CHRNB1: variants seen among roughly 807,000 people sequenced by gnomAD.
CHRNB1 encodes acetylcholine receptor subunit beta.
Under a neutral mutation model 53.8 loss-of-function variants are expected in CHRNB1, and 47 were observed. That is an observed-to-expected ratio of 0.87 (90% CI 0.69 to 1.11). CHRNB1 has a LOEUF of 1.11. Among genes scored for constraint, CHRNB1 ranks in the 50% most tolerant of loss-of-function variants. The pLI, the probability that CHRNB1 is intolerant of heterozygous loss-of-function variation, is 0.00. For synonymous variants in CHRNB1, 259 were observed against 263.5 expected (o/e 0.98, Z 0.16); for missense variants, 605 against 654.9 (o/e 0.92, Z 0.83).
intron 8 of CHRNB1, among the ~76,000 whole-genome samples, 184 bp from the exon 9 acceptor site, chr17:7,455,100 G>C (rs574680511): frequency 6.6e-6 from 1 of 151,808 alleles, no homozygotes; most frequent in Non-Finnish European, 1.5e-5. Flanking sequence ...ACCGCGACAG[G>C]CCCAACCCAC....
chr17:7,450,000 T>A (rs1321501339), intron 7 of CHRNB1, among the ~76,000 whole-genome samples: 1 of 150,774 alleles, frequency 6.6e-6, no homozygotes, highest in Admixed American at 6.6e-5. Flanking sequence ...GCCGACATTG[T>A]GCCACTGAAC....
chr17:7,445,087 A>T lies in CHRNB1; in HGVS notation c.-41A>T. 6.3e-7 allele frequency: 1 copy of T among 1,594,594 alleles called. No individual in the cohort carries two copies. The highest frequency in any genetic ancestry group is 8.5e-7 in the Non-Finnish European group (1 of 1,174,596). On this transcript the variant is annotated 5_prime_UTR_variant, in exon 1 of 11. Coordinates refer to ENST00000306071, the MANE Select transcript of CHRNB1 (RefSeq NM_000747.3). This position sits in a 1 kb window ranked among gnomAD's most constrained non-coding sequence, Gnocchi z 5.7. ...TCACTTCCCCTGTGCTGGCGGTCCC[A>T]GCGGCTCTCTGAGCGAAGTCACTGA...
Position 7,455,889 on chromosome 17 carries a change from C to A in CHRNB1, c.1313C>A (p.Ser438Tyr). Residue 438 changes from serine (S) to tyrosine (Y), a missense_variant, in exon 10 of 11, where the codon TCC (serine) becomes TAC (tyrosine). Ser to Tyr is a moderately radical substitution (Grantham distance 144). Transcript: ENST00000306071. ...CTTCCGGAGCTACGGGAGGTCGTCT[C>A]CTCTATCAGCTACATCGCTCGACAG... ...ALLPELREVV[S>Y]SISYIARQLQ... 1 of 1,614,050 alleles carries A rather than the reference C, an allele frequency of 6.2e-7. No homozygotes were observed. Among genetic ancestry groups the A allele is most frequent in the Non-Finnish European group, 8.5e-7 (1 of 1,180,024 alleles).
Position 7,454,412 on chromosome 17 carries a change from C to G in CHRNB1, c.936C>G (p.Leu312=), listed in dbSNP as rs775264960. ...SLSVPIIIKY[L]MFTMVLVTFS... ...CAGTACCCATTATTATCAAGTACCT[C>G]ATGTTTACCATGGTCCTCGTCACCT... Residue 312 remains leucine, a synonymous_variant, in exon 8 of 11, where the codon CTC becomes CTG. Coordinates refer to ENST00000306071, the MANE Select transcript of CHRNB1 (RefSeq NM_000747.3). 1 of 1,614,098 alleles carries G rather than the reference C, an allele frequency of 6.2e-7. No homozygotes were observed. The highest frequency in any genetic ancestry group is 2.2e-5 in the East Asian group (1 of 44,884).
At position 7,448,614 on chromosome 17, in the gene CHRNB1, C is replaced by A; in HGVS notation, c.646C>A (p.Arg216=). ...GTGGGAGATTATCCACAAGCCCTCT[C>A]GGCTAATCCAGCCTCCAGGCGATCC... ...GQWEIIHKPS[R]LIQPPGDPRG... Residue 216 remains arginine (R), a synonymous_variant, in exon 7 of 11, where the codon CGG becomes AGG. Transcript: ENST00000306071. 6.2e-7 allele frequency: 1 copy of A among 1,614,140 alleles called. No individual in the cohort carries two copies. Among genetic ancestry groups the A allele is most frequent in the Non-Finnish European group, 8.5e-7 (1 of 1,180,012 alleles).
At chr17:7,447,324 T>C (rs1042057908) in intron 5 of CHRNB1, 173 bp downstream of exon 5, 106 of 921,272 alleles carry the variant, frequency 1.2e-4, no homozygotes, top group Non-Finnish European at 1.7e-4. Flanking sequence ...TACACTTTCT[T>C]TGACTTCTAG....
rs2302763 is a variant in CHRNB1 at position 7,455,958 on chromosome 17, T to C, written c.1365+17T>C. 0.16 allele frequency: 253,461 copies of C among 1,610,586 alleles called. 21,098 individuals carry two copies. Among genetic ancestry groups the C allele is most frequent in the South Asian group, 0.21 (19,454 of 90,986 alleles). ...CACGATGCGGTATGTCCAACGGGGG[T>C]GGAACAAGGCCAGGTCTAGGCGACC... On this transcript the variant is annotated intron_variant, in intron 10 of 10. Coordinates refer to ENST00000306071, the MANE Select transcript of CHRNB1 (RefSeq NM_000747.3).
chr17:7,456,836 T>C lies in CHRNB1; in HGVS notation c.*113T>C. 6.9e-7 allele frequency: 1 copy of C among 1,444,546 alleles called. No homozygotes were observed. Among genetic ancestry groups the C allele is most frequent in the Non-Finnish European group, 9.5e-7 (1 of 1,049,162 alleles). 89.5% of individuals were successfully genotyped at this position (1,444,546 alleles called of 1,614,324 possible). ...CTCCTTCACGAGGAATCTGGGCCTC[T>C]TATTTCGTTTCTGGGGACTGCATTG... On this transcript the variant is annotated 3_prime_UTR_variant, in exon 11 of 11. Transcript: ENST00000306071.
rs773897169 is a variant in CHRNB1 at position 7,445,092 on chromosome 17, C to T, written c.-36C>T. The T allele has an allele frequency of 1.3e-6, 2 of 1,598,950 alleles. No homozygotes were observed. The highest frequency in any genetic ancestry group is 1.7e-6 in the Non-Finnish European group (2 of 1,176,498). On this transcript the variant is annotated 5_prime_UTR_variant, in exon 1 of 11. Coordinates refer to ENST00000306071, the MANE Select transcript of CHRNB1 (RefSeq NM_000747.3). This position sits in a 1 kb window ranked among gnomAD's most constrained non-coding sequence, Gnocchi z 5.7. ...TCCCCTGTGCTGGCGGTCCCAGCGG[C>T]TCTCTGAGCGAAGTCACTGAGCGAG...
In CHRNB1 at chr17:7,447,735, A is replaced by G. The variant is rs1341351930; in HGVS notation, c.610+85A>G. The G allele has an allele frequency of 3.3e-5, 51 of 1,529,404 alleles. No individual in the cohort carries two copies. In the East Asian group the frequency reaches 6.3e-4, roughly 19 times the overall value. 94.7% of individuals were successfully genotyped at this position (1,529,404 alleles called of 1,614,324 possible). On this transcript the variant is annotated intron_variant, in intron 6 of 10. Coordinates refer to ENST00000306071, the MANE Select transcript of CHRNB1 (RefSeq NM_000747.3). ...ATAAATATACTGTCAGTGATGCCCA[A>G]TATAGCCCTGTGGGGTCAGCAGGAT... is the stretch of plus-strand genomic sequence containing the variant.
At chr17:7,449,971 G>A (rs1308060627) in intron 7 of CHRNB1, among the ~76,000 whole-genome samples, 1 of 151,442 alleles carries the variant, frequency 6.6e-6, no homozygotes, top group Non-Finnish European at 1.5e-5. Context: ...GTGAACCCGG[G>A]AGGCGGAGCT....
At position 7,446,831 on chromosome 17, in the gene CHRNB1, A is replaced by G. The variant is rs1908653213; in HGVS notation, c.244-2A>G. The stretch of plus-strand genomic sequence containing the variant: ...GCAGCCCCTCAGCCTCTGCTTCACT[A>G]GGAGTGGACTGACTACAGGCTGAGC... On this transcript the variant is annotated splice_acceptor_variant, in intron 3 of 10. Transcript: ENST00000306071. LOFTEE classifies it high-confidence loss of function. 1 of 1,612,104 alleles carries G rather than the reference A, an allele frequency of 6.2e-7. No individual in the cohort carries two copies. Among genetic ancestry groups the G allele is most frequent in the East Asian group, 2.2e-5 (1 of 44,868 alleles).
intron 7 of CHRNB1, among the ~76,000 whole-genome samples, chr17:7,451,116 T>G (rs1176864220): frequency 6.6e-6 from 1 of 152,068 alleles, no homozygotes; most frequent in Non-Finnish European, 1.5e-5. Flanking sequence ...TCAAAGGGAC[T>G]CTAGACCCAG....
intron 3 of CHRNB1, chr17:7,446,397 G>T: frequency 1.8e-6 from 1 of 549,616 alleles, no homozygotes. Context: ...ATGTTGCACA[G>T]GCTGTTCTTG....
chr17:7,453,504 G>A (rs1353383637), intron 7 of CHRNB1, among the ~76,000 whole-genome samples: 1 of 151,946 alleles, frequency 6.6e-6, no homozygotes, highest in Non-Finnish European at 1.5e-5. Flanking sequence ...TATATATCTG[G>A]CATTCAGGGG....
chr17:7,454,172 G>A (rs938905674), intron 7 of CHRNB1, 125 bp from the exon 8 acceptor site: 1 of 850,010 alleles, frequency 1.2e-6, no homozygotes, highest in Non-Finnish European at 1.9e-6. Flanking sequence ...GACTACAGGT[G>A]TGAACCACTG....
intron 7 of CHRNB1, among the ~76,000 whole-genome samples, chr17:7,452,510 G>A (rs372802322): frequency 6.6e-6 from 1 of 152,160 alleles, no homozygotes; most frequent in East Asian, 1.9e-4. Flanking sequence ...TGTAGGAGGT[G>A]GGACTCGACT....
rs370912326 is a variant in CHRNB1, at chr17:7,446,122, A to C, written c.243+9A>C. On this transcript the variant is annotated intron_variant, in intron 3 of 10. Transcript: ENST00000306071. ...AGGTGTACTTAGACCTGGTATGGAG[A>C]CCCCACGGGGTGGGAAAGGGCTTCC... The C allele has an allele frequency of 3.1e-6, 5 of 1,612,766 alleles. No individual in the cohort carries two copies. Among genetic ancestry groups the C allele is most frequent in the South Asian group, 1.1e-5 (1 of 91,066 alleles).
In CHRNB1 at chr17:7,445,296, C is replaced by G; in HGVS notation, c.85C>G (p.Arg29Gly). Reference sequence around the variant, plus strand: ...CGTCCGCGGCTCGGAGGCGGAGGGTCGACTCCGGGAGAAACTTTTCTCTGG... The same window carrying G: ...CGTCCGCGGCTCGGAGGCGGAGGGTGGACTCCGGGAGAAACTTTTCTCTGG... Reference protein sequence around the residue: ...PGVRGSEAEGRLREKLFSGYD... With the variant: ...PGVRGSEAEGGLREKLFSGYD... The change falls in exon 2 of 11, where the codon CGA becomes GGA. Residue 29 changes from arginine to glycine, a missense_variant. Transcript: ENST00000306071. The surrounding 1 kb of genome is among the most constrained non-coding windows in gnomAD (Gnocchi z 5.7). 1 of 1,612,688 alleles carries G rather than the reference C, an allele frequency of 6.2e-7. No homozygotes were observed. The highest frequency in any genetic ancestry group is 8.5e-7 in the Non-Finnish European group (1 of 1,179,738).
Sources: gnomAD v4.1 joint callset for allele counts (sites outside exome capture counted in the v4.1 genomes callset) on GRCh38, gnomAD v4.1.1 for gene constraint, Gnocchi (gnomAD v3.1) non-coding constraint, MANE v1.5 for transcripts, NCBI Gene and HGNC (gene_info 2026-07-23, HGNC 2026-07-21) for gene names.